The following DSCAM variants were observed in gnomAD, a reference collection of about 807,000 sequenced individuals.
The protein encoded by DSCAM is DS cell adhesion molecule.
DSCAM carries 47 observed loss-of-function variants against 217.7 expected under a neutral mutation model. The observed-to-expected ratio is 0.22, with a 90% confidence interval of 0.17 to 0.28. The LOEUF (loss-of-function observed/expected upper bound fraction) is 0.28. Among genes scored for constraint, DSCAM ranks in the 10% least tolerant of loss-of-function variants. The probability of loss-of-function intolerance (pLI) is 1.00; values close to 1 mark genes in which losing one functional copy is unlikely to be tolerated. For synonymous variants in DSCAM, 1,056 were observed against 1,015.3 expected (o/e 1.04, Z -0.76); for missense variants, 2,080 against 2,618.3 (o/e 0.79, Z 4.49).
At chr21:40,017,601 G>A (rs1263176106) in intron 32 of DSCAM, among the ~76,000 whole-genome samples, 3 of 149,610 alleles carry the variant, frequency 2.0e-5, no homozygotes, top group Non-Finnish European at 4.4e-5. Flanking sequence ...TGCTCTTGTC[G>A]CCCAGGCTGG....
intron 8 of DSCAM, among the ~76,000 whole-genome samples, chr21:40,312,942 C>T (rs1164455456): frequency 1.3e-5 from 2 of 151,832 alleles, no homozygotes; most frequent in Non-Finnish European, 2.9e-5. Flanking sequence ...ACGGGACCCC[C>T]ATATCTACAA....
At chr21:40,520,182 C>G (rs1332695367) in intron 3 of DSCAM, among the ~76,000 whole-genome samples, 2 of 151,920 alleles carry the variant, frequency 1.3e-5, no homozygotes. Flanking sequence ...AGAATAAATT[C>G]TAGGAGCCAT....
chr21:40,146,526 C>T (rs1428014839), intron 16 of DSCAM, among the ~76,000 whole-genome samples: 1 of 152,168 alleles, frequency 6.6e-6, no homozygotes, highest in African/African-American at 2.4e-5. Flanking sequence ...GATTCCATGC[C>T]TCAGCCTGTC....
At chr21:40,149,559 C>T (rs2090399855) in intron 16 of DSCAM, among the ~76,000 whole-genome samples, 1 of 145,558 alleles carries the variant, frequency 6.9e-6, no homozygotes, top group East Asian at 2.1e-4. Flanking sequence ...CAACATCCAT[C>T]ACTCCATCAC....
At chr21:40,270,166 T>C (rs776657957) in intron 11 of DSCAM, among the ~76,000 whole-genome samples, 2 of 152,218 alleles carry the variant, frequency 1.3e-5, no homozygotes, top group Non-Finnish European at 2.9e-5. Flanking sequence ...AGGGGTTTCC[T>C]TCACTAAGCA....
chr21:40,355,954 C>T (rs1205162423), intron 4 of DSCAM, among the ~76,000 whole-genome samples: 1 of 152,172 alleles, frequency 6.6e-6, no homozygotes, highest in Non-Finnish European at 1.5e-5. Flanking sequence ...CATGTCATTG[C>T]AAATGGGAAG....
intron 3 of DSCAM, among the ~76,000 whole-genome samples, chr21:40,469,603 G>T (rs1232110511): frequency 6.6e-6 from 1 of 152,142 alleles, no homozygotes; most frequent in Admixed American, 6.5e-5. Context: ...ATATTTACAT[G>T]ATTATAATAG....
intron 2 of DSCAM, among the ~76,000 whole-genome samples, chr21:40,700,202 G>A (rs2091895): frequency 0.4 from 60,691 of 152,142 alleles, 14,201 homozygotes; most frequent in African/African-American, 0.66. Flanking sequence ...AGCATGTCAT[G>A]TTGCACAGGA....
chr21:40,807,296 G>A (rs1319547066), intron 1 of DSCAM, among the ~76,000 whole-genome samples: 1 of 151,852 alleles, frequency 6.6e-6, no homozygotes, highest in Non-Finnish European at 1.5e-5. Context: ...CTTAAACTTG[G>A]GATCCACACA....
At chr21:40,406,894 C>A (rs1200323261) in intron 3 of DSCAM, among the ~76,000 whole-genome samples, 1 of 152,128 alleles carries the variant, frequency 6.6e-6, no homozygotes, top group Admixed American at 6.6e-5. Context: ...TCTGGGATTA[C>A]ATATGTGAGC....
intron 3 of DSCAM, among the ~76,000 whole-genome samples, chr21:40,480,867 T>A (rs1471759789): frequency 6.6e-6 from 1 of 152,216 alleles, no homozygotes; most frequent in African/African-American, 2.4e-5. Flanking sequence ...TTTATATCTT[T>A]TCTCTGATGC....
intron 14 of DSCAM, among the ~76,000 whole-genome samples, chr21:40,183,348 G>T (rs957612825): frequency 2.6e-5 from 4 of 152,210 alleles, no homozygotes; most frequent in African/African-American, 9.7e-5. Flanking sequence ...GGCAACCAAG[G>T]CAACCTGTGT....
At chr21:40,627,397 C>T (rs561570708) in intron 3 of DSCAM, among the ~76,000 whole-genome samples, 1 of 152,298 alleles carries the variant, frequency 6.6e-6, no homozygotes, top group African/African-American at 2.4e-5. Flanking sequence ...CTTCCACCCC[C>T]ACTATATGAG....
chr21:40,494,654 A>G (rs1171564428), intron 3 of DSCAM, among the ~76,000 whole-genome samples: 2 of 149,914 alleles, frequency 1.3e-5, no homozygotes, highest in Admixed American at 1.3e-4. Flanking sequence ...TTTTAAATTA[A>G]AAAAAAAAGA....
At chr21:40,634,504 T>C (rs2089730155) in intron 3 of DSCAM, among the ~76,000 whole-genome samples, 1 of 152,204 alleles carries the variant, frequency 6.6e-6, no homozygotes, top group Admixed American at 6.5e-5. Flanking sequence ...TTCCCTCATC[T>C]CTTCACATTT....
At chr21:40,503,908 T>C (rs562280420) in intron 3 of DSCAM, among the ~76,000 whole-genome samples, 4 of 152,334 alleles carry the variant, frequency 2.6e-5, no homozygotes, top group African/African-American at 9.6e-5. Context: ...TGTGAATTGA[T>C]GGTCATGGGT....
intron 1 of DSCAM, among the ~76,000 whole-genome samples, chr21:40,768,198 GCT>G (rs1437587369): frequency 6.6e-6 from 1 of 152,096 alleles, no homozygotes; most frequent in African/African-American, 2.4e-5. Flanking sequence ...CACCCCAGTG[GCT>G]CTGAGCCAGG....
At chr21:40,167,789 G>A (rs2090613423) in intron 15 of DSCAM, among the ~76,000 whole-genome samples, 2 of 152,036 alleles carry the variant, frequency 1.3e-5, no homozygotes, top group South Asian at 2.1e-4. Flanking sequence ...CCTTGTGGCC[G>A]GGCACGGTGG....
At chr21:40,494,205 T>C (rs937191541) in intron 3 of DSCAM, among the ~76,000 whole-genome samples, 8 of 152,150 alleles carry the variant, frequency 5.3e-5, no homozygotes, top group Non-Finnish European at 1.2e-4. Context: ...TATTTACAAT[T>C]ACCTTGAATG....
Sources: allele counts gnomAD v4.1 joint callset (sites outside exome capture counted in the v4.1 genomes callset), GRCh38; gene constraint gnomAD v4.1.1; transcripts MANE v1.5; gene names NCBI Gene and HGNC (gene_info 2026-07-23, HGNC 2026-07-21).